Variants in TENM4 observed in about 807,000 individuals in gnomAD.
The protein encoded by TENM4 is teneurin-4.
Under a neutral mutation model 243.3 loss-of-function variants are expected in TENM4, and 82 were observed. The observed-to-expected ratio is 0.34, with a 90% CI of 0.28 to 0.40. The LOEUF (loss-of-function observed/expected upper bound fraction) is 0.40. Ranked by LOEUF, TENM4 falls within the 10% of genes least tolerant of loss-of-function variation. The pLI is 1.00. For missense variants in TENM4, 3,138 were observed against 3,673.3 expected, an observed-to-expected ratio of 0.85 and a Z score of 3.77; for synonymous variants, 1,412 against 1,456.3, an observed-to-expected ratio of 0.97 and a Z score of 0.69.
Position 78,670,211 on chromosome 11 carries a change from T to G in TENM4, c.6134A>C (p.Asn2045Thr), listed in dbSNP as rs571774239. Residue 2045 changes from asparagine (N) to threonine (T), a missense_variant, in exon 32 of 34, where the codon AAC (asparagine) becomes ACC (threonine). By Grantham distance (65) the Asn-to-Thr change is moderately conservative. Around this residue, in one of 2 missense-constraint regions of TENM4, gnomAD observed 2,467 missense variants for 3,059.1 expected, o/e 0.81. Coordinates refer to ENST00000278550, the MANE Select transcript of TENM4 (RefSeq NM_001098816.3). ...DETAGMLKTI[N>T]LQNEGFTCTI... ...GCAGGTGAAGCCCTCATTCTGTAGG[T>G]TGATGGTCTTCAGCATGCCTGCCGT... The G allele has an allele frequency of 6.2e-7, 1 of 1,613,752 alleles. No homozygotes were observed. The highest frequency in any genetic ancestry group is 8.5e-7 in the Non-Finnish European group (1 of 1,179,860).
At chr11:78,952,301 T>C (rs1857123423) in intron 6 of TENM4, among the ~76,000 whole-genome samples, 1 of 152,244 alleles carries the variant, frequency 6.6e-6, no homozygotes, top group Non-Finnish European at 1.5e-5. Flanking sequence ...GAGGCTGTGT[T>C]GAATCTGCAT....
At chr11:79,384,903 G>T (rs1858077215) in intron 1 of TENM4, among the ~76,000 whole-genome samples, 1 of 73,688 alleles carries the variant, frequency 1.4e-5, no homozygotes, top group Non-Finnish European at 2.9e-5. Flanking sequence ...TCCAGCCTGG[G>T]CAACAGAGCA....
intron 19 of TENM4, among the ~76,000 whole-genome samples, chr11:78,745,109 TAC>T (rs1856016600): frequency 6.6e-6 from 1 of 152,078 alleles, no homozygotes; most frequent in South Asian, 2.1e-4. Flanking sequence ...TTTATACAGA[TAC>T]ACAGACAGAC....
intron 6 of TENM4, among the ~76,000 whole-genome samples, chr11:79,022,166 G>GCAC (rs1388563672): frequency 6.6e-6 from 1 of 152,138 alleles, no homozygotes; most frequent in Non-Finnish European, 1.5e-5. Flanking sequence ...TTCACATCAG[G>GCAC]CACTGTGTTT....
At chr11:79,195,814 T>C (rs148109063) in intron 3 of TENM4, among the ~76,000 whole-genome samples, 4,440 of 152,130 alleles carry the variant, frequency 0.029, 91 homozygotes, top group Non-Finnish European at 0.04. Context: ...GAAGGCATGA[T>C]TGGTTTTGAA....
At chr11:79,347,821 G>A (rs922153460) in intron 1 of TENM4, among the ~76,000 whole-genome samples, 4 of 124,974 alleles carry the variant, frequency 3.2e-5, no homozygotes, top group Non-Finnish European at 3.1e-5. Flanking sequence ...CGCCCAGACC[G>A]GACTGCGGAC....
intron 4 of TENM4, among the ~76,000 whole-genome samples, chr11:79,140,921 C>T (rs1862273961): frequency 6.6e-6 from 1 of 152,018 alleles, no homozygotes; most frequent in African/African-American, 2.4e-5. Flanking sequence ...AGCCAGGTCC[C>T]TGCAGAGGTA....
chr11:79,182,779 A>G (rs1863308465), intron 3 of TENM4, among the ~76,000 whole-genome samples: 1 of 152,218 alleles, frequency 6.6e-6, no homozygotes, highest in African/African-American at 2.4e-5. Context: ...TGTCACATCA[A>G]AGGAGATATT....
At chr11:78,847,470 C>G (rs1858424618) in intron 12 of TENM4, among the ~76,000 whole-genome samples, 1 of 152,192 alleles carries the variant, frequency 6.6e-6, no homozygotes. Context: ...ATGTAGTGCT[C>G]TGATACTCCT....
chr11:78,855,491 G>A (rs998226331), intron 11 of TENM4, among the ~76,000 whole-genome samples: 1 of 152,202 alleles, frequency 6.6e-6, no homozygotes, highest in Admixed American at 6.5e-5. Flanking sequence ...TTCTGAGCCA[G>A]GTCCTGCACT....
chr11:79,371,400 G>T (rs1857783710), intron 1 of TENM4, among the ~76,000 whole-genome samples: 1 of 152,124 alleles, frequency 6.6e-6, no homozygotes, highest in Non-Finnish European at 1.5e-5. Flanking sequence ...TTGTGGGCTT[G>T]GTTCTAGGAC....
At chr11:79,301,780 T>G (rs958482418) in intron 1 of TENM4, among the ~76,000 whole-genome samples, 1 of 152,178 alleles carries the variant, frequency 6.6e-6, no homozygotes, top group African/African-American at 2.4e-5. Flanking sequence ...TGAGTTCTCT[T>G]GGCCTCACCC....
At chr11:78,735,197 G>A (rs934216204) in intron 20 of TENM4, among the ~76,000 whole-genome samples, 3 of 152,150 alleles carry the variant, frequency 2.0e-5, no homozygotes, top group Admixed American at 6.5e-5. Flanking sequence ...GCTATCACCC[G>A]TTTGCCTGTT....
At chr11:79,328,871 G>A (rs1857017224) in intron 1 of TENM4, among the ~76,000 whole-genome samples, 1 of 152,072 alleles carries the variant, frequency 6.6e-6, no homozygotes, top group Non-Finnish European at 1.5e-5. Context: ...GGTTCCTAGG[G>A]GCTCAGGGAC....
At chr11:78,792,242 C>T (rs1857071256) in intron 15 of TENM4, among the ~76,000 whole-genome samples, 1 of 152,154 alleles carries the variant, frequency 6.6e-6, no homozygotes, top group Non-Finnish European at 1.5e-5. Flanking sequence ...ATTTGCTTTT[C>T]TAGTAGTGGT....
chr11:79,193,052 A>C (rs1408815352), intron 3 of TENM4: 1 of 152,422 alleles, frequency 6.6e-6, no homozygotes, highest in Admixed American at 6.5e-5. Context: ...CTGCCTGAGC[A>C]GTGAGAGGCC....
At chr11:78,823,523 G>A (rs1466337307) in intron 12 of TENM4, among the ~76,000 whole-genome samples, 1 of 152,192 alleles carries the variant, frequency 6.6e-6, no homozygotes, top group East Asian at 1.9e-4. Context: ...GGCTGGTGAG[G>A]TCCTTAAGGT....
intron 2 of TENM4, among the ~76,000 whole-genome samples, chr11:79,243,063 C>G (rs535497120): frequency 7.6e-4 from 116 of 152,248 alleles, no homozygotes; most frequent in Non-Finnish European, 1.3e-3. Flanking sequence ...ATTTCCATCC[C>G]CCTTTCTGCT....
chr11:78,875,080 C>A (rs1859232101), intron 9 of TENM4, among the ~76,000 whole-genome samples: 1 of 152,204 alleles, frequency 6.6e-6, no homozygotes, highest in South Asian at 2.1e-4. Flanking sequence ...CATAACCTGG[C>A]CTCCTGTTGG....
Sources: allele counts gnomAD v4.1 joint callset (sites outside exome capture counted in the v4.1 genomes callset), GRCh38; gene constraint gnomAD v4.1.1; regional missense constraint gnomAD v4.1.1; transcripts MANE v1.5; gene names NCBI Gene and HGNC (gene_info 2026-07-23, HGNC 2026-07-21).